Variants in CDH6 observed in about 807,000 individuals in gnomAD.
CDH6 encodes cadherin-6.
CDH6 carries 31 observed loss-of-function variants against 78.0 expected under a neutral mutation model. That is an observed-to-expected ratio of 0.40 (90% CI 0.30 to 0.54). The LOEUF (loss-of-function observed/expected upper bound fraction) is 0.54. Among genes scored for constraint, CDH6 ranks in the 20% least tolerant of loss-of-function variants. The probability of loss-of-function intolerance (pLI) is 0.56; values close to 1 mark genes in which losing one functional copy is unlikely to be tolerated. For synonymous variants in CDH6, 376 were observed against 368.8 expected, an observed-to-expected ratio of 1.02 and a Z score of -0.23; for missense variants, 724 against 975.9, an observed-to-expected ratio of 0.74 and a Z score of 3.44.
intron 1 of CDH6, among the ~76,000 whole-genome samples, chr5:31,234,855 TATAC>T (rs1561035293): frequency 6.6e-6 from 1 of 152,190 alleles, no homozygotes; most frequent in African/African-American, 2.4e-5. Context: ...GGTTTGCACA[TATAC>T]ATACATACAT....
At chr5:31,320,880 G>C (rs1738461080) in intron 11 of CDH6, among the ~76,000 whole-genome samples, 1 of 151,834 alleles carries the variant, frequency 6.6e-6, no homozygotes, top group South Asian at 2.1e-4. Flanking sequence ...TCAGGAGGCT[G>C]AGGCAGGAGA....
At chr5:31,245,610 T>C (rs1001467889) in intron 1 of CDH6, among the ~76,000 whole-genome samples, 3 of 152,210 alleles carry the variant, frequency 2.0e-5, no homozygotes, top group Non-Finnish European at 4.4e-5. Flanking sequence ...GAATAGTTGT[T>C]TAACTCATCG....
chr5:31,217,639 C>T (rs927130240), intron 1 of CDH6, among the ~76,000 whole-genome samples: 1 of 152,140 alleles, frequency 6.6e-6, no homozygotes, highest in Non-Finnish European at 1.5e-5. Context: ...GACATCCTCC[C>T]TAACCTCAAA....
intron 1 of CDH6, among the ~76,000 whole-genome samples, chr5:31,260,690 T>C (rs2149929866): frequency 6.6e-6 from 1 of 152,290 alleles, no homozygotes; most frequent in Non-Finnish European, 1.5e-5. Context: ...TTTACAAAAA[T>C]ATATATCAGG....
chr5:31,244,926 A>C (rs1029737071), intron 1 of CDH6, among the ~76,000 whole-genome samples: 2 of 152,180 alleles, frequency 1.3e-5, no homozygotes, highest in Non-Finnish European at 2.9e-5. Flanking sequence ...GCCCCCCACA[A>C]ACAGCAGCTT....
intron 2 of CDH6, among the ~76,000 whole-genome samples, chr5:31,288,568 A>G (rs927708191): frequency 1.1e-4 from 16 of 152,222 alleles, no homozygotes; most frequent in African/African-American, 3.9e-4. Flanking sequence ...ACATGTAGAC[A>G]TCTATACGTA....
At chr5:31,230,929 C>T (rs191601010) in intron 1 of CDH6, among the ~76,000 whole-genome samples, 171 of 152,124 alleles carry the variant, frequency 1.1e-3, no homozygotes, top group African/African-American at 4.0e-3. Context: ...CATGTTAAGA[C>T]GAACAAACTC....
intron 2 of CDH6, among the ~76,000 whole-genome samples, chr5:31,293,357 G>A (rs1435143552): frequency 7.1e-6 from 1 of 140,676 alleles, no homozygotes; most frequent in South Asian, 2.2e-4. Flanking sequence ...AATGCTTTGA[G>A]TTGAATTTCA....
intron 1 of CDH6, among the ~76,000 whole-genome samples, chr5:31,229,378 T>A (rs1741251498): frequency 6.6e-6 from 1 of 152,190 alleles, no homozygotes; most frequent in African/African-American, 2.4e-5. Flanking sequence ...ATGAAGCATA[T>A]TGCCTGTTAT....
chr5:31,302,903 A>AAAGAAAGAAAGAAAGAAAGAAAG (rs1554010012), intron 6 of CDH6, among the ~76,000 whole-genome samples: 1 of 90,424 alleles, frequency 1.1e-5, no homozygotes, highest in Non-Finnish European at 2.3e-5. Flanking sequence ...AAGAAAGAAA[A>AAAGAAAGAAAGAAAGAAAGAAAG]AAAGAAAGAA....
At chr5:31,224,883 C>T (rs1309552591) in intron 1 of CDH6, among the ~76,000 whole-genome samples, 2 of 152,188 alleles carry the variant, frequency 1.3e-5, no homozygotes, top group African/African-American at 4.8e-5. Context: ...AACATGTAAT[C>T]TCACAATATT....
chr5:31,318,816 GAC>G, intron 11 of CDH6: 1 of 225,808 alleles, frequency 4.4e-6, no homozygotes, highest in Admixed American at 5.7e-5. Flanking sequence ...AAAAAATGAA[GAC>G]AGAGTGACTT....
intron 6 of CDH6, among the ~76,000 whole-genome samples, chr5:31,302,804 GAAAGAAAGAAAGAA>G (rs1561066032): frequency 2.4e-4 from 21 of 88,460 alleles, no homozygotes; most frequent in African/African-American, 7.7e-4. Context: ...GAGAGAGAAA[GAAAGAAAGAAAGAA>G]AGAAAGAAAG....
intron 1 of CDH6, among the ~76,000 whole-genome samples, chr5:31,203,903 G>A (rs573518136): frequency 4.5e-4 from 69 of 152,046 alleles, no homozygotes; most frequent in Non-Finnish European, 7.7e-4. Flanking sequence ...ATCCTCTCCA[G>A]CACCTGTTGT....
intron 1 of CDH6, among the ~76,000 whole-genome samples, chr5:31,222,906 T>C (rs1393013872): frequency 1.3e-5 from 2 of 152,164 alleles, no homozygotes. Flanking sequence ...TTTGAGGGAC[T>C]ATATTTTCTT....
chr5:31,318,018 C>T (rs1561073376), intron 11 of CDH6, 94 bp downstream of exon 11: 1 of 1,429,026 alleles, frequency 7.0e-7, no homozygotes, highest in Non-Finnish European at 9.8e-7. Context: ...CCCATTAAGG[C>T]ATACAGCCTG....
chr5:31,287,204 G>T (rs1032879033), intron 2 of CDH6, among the ~76,000 whole-genome samples: 3 of 152,190 alleles, frequency 2.0e-5, no homozygotes, highest in Non-Finnish European at 4.4e-5. Flanking sequence ...CATGTGAAAG[G>T]AGGGAGACAA....
chr5:31,313,535 A>G, intron 8 of CDH6, 81 bp downstream of exon 8: 1 of 1,335,658 alleles, frequency 7.5e-7, no homozygotes, highest in Non-Finnish European at 1.0e-6. Context: ...GTAGCTTGTC[A>G]CCATGTATTG....
intron 1 of CDH6, among the ~76,000 whole-genome samples, chr5:31,221,561 GA>G (rs1424341895): frequency 6.6e-6 from 1 of 152,068 alleles, no homozygotes; most frequent in East Asian, 1.9e-4. Flanking sequence ...ATACACCTGA[GA>G]AAAGACTGTC....
Sources: allele counts gnomAD v4.1 joint callset (sites outside exome capture counted in the v4.1 genomes callset), GRCh38; gene constraint gnomAD v4.1.1; transcripts MANE v1.5; gene names NCBI Gene and HGNC (gene_info 2026-07-23, HGNC 2026-07-21).